Variants in RRP15 observed in about 807,000 individuals in gnomAD.
RRP15 encodes ribosomal RNA processing 15 homolog.
A neutral mutation model predicts 27.1 loss-of-function variants in RRP15; 18 were observed. The observed-to-expected ratio is 0.66, with a 90% CI of 0.46 to 0.98. The LOEUF is 0.98. Among genes scored for constraint, RRP15 ranks in the 50% least tolerant of loss-of-function variants. The probability of loss-of-function intolerance (pLI) is 0.00; values close to 1 mark genes in which losing one functional copy is unlikely to be tolerated. For missense variants in RRP15, 359 were observed against 337.8 expected, an observed-to-expected ratio of 1.06 and a Z score of -0.49; for synonymous variants, 107 against 109.4, an observed-to-expected ratio of 0.98 and a Z score of 0.14.
intron 4 of RRP15, among the ~76,000 whole-genome samples, chr1:218,308,846 A>G (rs1655943663): frequency 6.6e-6 from 1 of 152,244 alleles, no homozygotes; most frequent in African/African-American, 2.4e-5. Context: ...AAAGGCTTTA[A>G]TAGGCTGTAT....
chr1:218,316,035 C>G (rs988187288), intron 4 of RRP15, among the ~76,000 whole-genome samples: 7 of 152,156 alleles, frequency 4.6e-5, no homozygotes, highest in East Asian at 1.9e-4. Context: ...TGGTTTTAAG[C>G]CAGTTTCCCA....
At chr1:218,325,226 G>C (rs796422987) in intron 4 of RRP15, among the ~76,000 whole-genome samples, 3 of 152,320 alleles carry the variant, frequency 2.0e-5, no homozygotes, top group African/African-American at 7.2e-5. Flanking sequence ...TTGGCTGCAG[G>C]TTGTCCTTCA....
chr1:218,312,257 G>T (rs1656005257), intron 4 of RRP15, among the ~76,000 whole-genome samples: 1 of 151,436 alleles, frequency 6.6e-6, no homozygotes, highest in Non-Finnish European at 1.5e-5. Context: ...AAGTTTGAGA[G>T]AAATTTTTTC....
At chr1:218,318,222 C>T (rs898723455) in intron 4 of RRP15, among the ~76,000 whole-genome samples, 1 of 151,764 alleles carries the variant, frequency 6.6e-6, no homozygotes, top group Non-Finnish European at 1.5e-5. Flanking sequence ...CCATGTGCCC[C>T]GAAGATTCTC....
Position 218,334,957 on chromosome 1 carries a change from T to A in RRP15, c.*3866T>A, listed in dbSNP as rs1271097458. 1 of 152,230 alleles carries A rather than the reference T, an allele frequency of 6.6e-6. No homozygotes were observed. The highest frequency in any genetic ancestry group is 1.5e-5 in the Non-Finnish European group (1 of 68,040). The allele number at this position is 152,230 out of a possible 1,614,324, so 9.4% of individuals were successfully genotyped here. Reference sequence around the variant, plus strand: ...TCAGTGGGCGAGCTTTTCTGAAATTTGATTAAACATATTAGTCAAGGGAAT... The same window carrying A: ...TCAGTGGGCGAGCTTTTCTGAAATTAGATTAAACATATTAGTCAAGGGAAT... On this transcript the variant is annotated 3_prime_UTR_variant, in exon 5 of 5. Coordinates refer to ENST00000366932, the MANE Select transcript of RRP15 (RefSeq NM_016052.4).
chr1:218,327,462 G>A (rs376303107), intron 4 of RRP15, among the ~76,000 whole-genome samples: 3 of 152,026 alleles, frequency 2.0e-5, no homozygotes, highest in East Asian at 1.9e-4. Flanking sequence ...GCTATCATGC[G>A]TAGGCTATTT....
At chr1:218,329,199 G>A (rs550019644) in intron 4 of RRP15, among the ~76,000 whole-genome samples, 1 of 114,856 alleles carries the variant, frequency 8.7e-6, no homozygotes, top group East Asian at 3.0e-4. Context: ...CCAGGAGCTC[G>A]AAACCAGCCT....
chr1:218,326,692 C>T (rs1268388583), intron 4 of RRP15, among the ~76,000 whole-genome samples: 1 of 152,132 alleles, frequency 6.6e-6, no homozygotes. Flanking sequence ...TTTGGGAGCC[C>T]AGTGTGAGAA....
rs34150523 is a variant in RRP15, at chr1:218,331,651, C to CTTTTTTTTTTTTTTTTTTT, written c.*581_*599dup. On this transcript the variant is annotated 3_prime_UTR_variant, in exon 5 of 5. Coordinates refer to ENST00000366932, the MANE Select transcript of RRP15 (RefSeq NM_016052.4). The stretch of plus-strand genomic sequence containing the variant: ...TGATTTAAGAAACAACAGATTTCAA[C>CTTTTTTTTTTTTTTTTTTT]TTTTTTTTTTTTTTTTTTTTTTTTT... 1.4e-4 allele frequency: 5 copies of CTTTTTTTTTTTTTTTTTTT among 35,616 alleles called. No individual in the cohort carries two copies. The highest frequency in any genetic ancestry group is 4.3e-4 in the Admixed American group (1 of 2,344). 2.2% of individuals were successfully genotyped at this position (35,616 alleles called of 1,614,324 possible). A position where few individuals can be genotyped will look rare whatever the true frequency, so the allele number is the denominator to read the frequency against.
At chr1:218,308,062 CT>C (rs56813511) in intron 4 of RRP15, among the ~76,000 whole-genome samples, 332 of 66,918 alleles carry the variant, frequency 5.0e-3, no homozygotes, top group African/African-American at 0.014. Flanking sequence ...TTCTTTCTTT[CT>C]TTTTTTTTTT....
At chr1:218,303,750 A>G (rs2102499090) in intron 2 of RRP15, among the ~76,000 whole-genome samples, 1 of 152,340 alleles carries the variant, frequency 6.6e-6, no homozygotes, top group Non-Finnish European at 1.5e-5. Flanking sequence ...ATGAAAGCAC[A>G]TGTATTGATA....
In RRP15 at chr1:218,302,557, C is replaced by G. The variant is rs558994281; in HGVS notation, c.403C>G (p.Gln135Glu). 6.2e-7 allele frequency: 1 copy of G among 1,610,934 alleles called. No individual in the cohort carries two copies. The highest frequency in any genetic ancestry group is 1.1e-5 in the South Asian group (1 of 90,628). ...LKQERLEKIK[Q>E]RDKRLEWEMM... ...GCAAGAAAGACTAGAGAAAATAAAACAGGTATGTTCCACCAGTTCTCTTGT... is the reference window on the plus strand; with the variant it reads ...GCAAGAAAGACTAGAGAAAATAAAAGAGGTATGTTCCACCAGTTCTCTTGT... Residue 135 changes from glutamine to glutamate, a missense_variant and splice_region_variant, in exon 2 of 5, where the codon CAG becomes GAG. Gln to Glu is a conservative substitution (Grantham distance 29, BLOSUM62 2). Coordinates refer to ENST00000366932, the MANE Select transcript of RRP15 (RefSeq NM_016052.4).
intron 1 of RRP15, among the ~76,000 whole-genome samples, chr1:218,296,931 T>C (rs969714014): frequency 6.6e-6 from 1 of 152,174 alleles, no homozygotes; most frequent in African/African-American, 2.4e-5. Context: ...TTGACATCAA[T>C]TTTTAAGCTC....
intron 4 of RRP15, among the ~76,000 whole-genome samples, chr1:218,312,801 A>G (rs1656023626): frequency 6.6e-6 from 1 of 152,216 alleles, no homozygotes; most frequent in South Asian, 2.1e-4. Context: ...CATGAAGTAA[A>G]CATGGTAAGG....
intron 1 of RRP15, among the ~76,000 whole-genome samples, chr1:218,287,377 T>C (rs1469763899): frequency 6.6e-6 from 1 of 152,168 alleles, no homozygotes; most frequent in African/African-American, 2.4e-5. Context: ...GTTTTAAGGT[T>C]CTCTTGCTGT....
At chr1:218,303,836 C>CT (rs1250914666) in intron 2 of RRP15, among the ~76,000 whole-genome samples, 3 of 152,068 alleles carry the variant, frequency 2.0e-5, no homozygotes, top group African/African-American at 7.2e-5. Context: ...TTATTATTTC[C>CT]TAATTTAACT....
intron 4 of RRP15, among the ~76,000 whole-genome samples, chr1:218,328,524 A>G (rs562460753): frequency 9.1e-4 from 139 of 152,234 alleles, no homozygotes; most frequent in Admixed American, 2.4e-3. Flanking sequence ...TAAGCCAGGC[A>G]TGGTGGCAGG....
chr1:218,322,630 C>A (rs576291571), intron 4 of RRP15, among the ~76,000 whole-genome samples: 149 of 151,808 alleles, frequency 9.8e-4, no homozygotes, highest in Admixed American at 1.6e-3. Flanking sequence ...TGTTTTCCAC[C>A]CCATTCTGCC....
At chr1:218,291,850 T>C (rs995088613) in intron 1 of RRP15, among the ~76,000 whole-genome samples, 1 of 151,056 alleles carries the variant, frequency 6.6e-6, no homozygotes, top group African/African-American at 2.4e-5. Flanking sequence ...CACCCCCTTT[T>C]TTTTTAAGAC....
Sources: gnomAD v4.1 joint callset for allele counts (sites outside exome capture counted in the v4.1 genomes callset) on GRCh38, gnomAD v4.1.1 for gene constraint, MANE v1.5 for transcripts, NCBI Gene and HGNC (gene_info 2026-07-23, HGNC 2026-07-21) for gene names.